DNAAF5: variants seen among roughly 807,000 people sequenced by gnomAD.
DNAAF5 encodes the protein dynein axonemal assembly factor 5.
In DNAAF5, 64 loss-of-function variants were observed where a neutral mutation model predicts 75.8. The observed-to-expected ratio is 0.84, with a 90% CI of 0.69 to 1.04. The LOEUF (loss-of-function observed/expected upper bound fraction) is 1.04, where lower values mean the gene tolerates loss of function less well. DNAAF5 is among the 50% of genes least tolerant of loss of function. The pLI, the probability that DNAAF5 is intolerant of heterozygous loss-of-function variation, is 0.00. For missense variants in DNAAF5, 1,269 were observed against 1,178.5 expected (o/e 1.08, Z -1.12); for synonymous variants, 657 against 557.2 (o/e 1.18, Z -2.52).
chr7:766,365 AT>A (rs1782822143), intron 8 of DNAAF5, among the ~76,000 whole-genome samples: 2 of 152,020 alleles, frequency 1.3e-5, no homozygotes, highest in African/African-American at 4.8e-5. Context: ...GATTAAAACA[AT>A]TTTTTAATAG....
intron 12 of DNAAF5, among the ~76,000 whole-genome samples, chr7:784,232 C>G (rs1028578095): frequency 6.6e-6 from 1 of 152,190 alleles, no homozygotes; most frequent in African/African-American, 2.4e-5. Flanking sequence ...GTCTTTCCCT[C>G]GCCCATGTGG....
In DNAAF5 at chr7:727,126, G is replaced by A; in HGVS notation, c.406G>A (p.Glu136Lys). ...AGPVPARRPP[E>K]ACEELRLALV... ...CCCCGTGCCCGCGCGCCGCCCGCCC[G>A]AGGCCTGTGAGGAGCTGCGCCTGGC... The change falls in exon 1 of 13, where the codon GAG becomes AAG. Residue 136 changes from glutamate (E) to lysine (K), a missense_variant. Glu to Lys is a moderately conservative substitution (Grantham distance 56). Coordinates refer to ENST00000297440, the MANE Select transcript of DNAAF5 (RefSeq NM_017802.4). The A allele has an allele frequency of 8.5e-7, 1 of 1,170,734 alleles. No homozygotes were observed. 72.5% of individuals were successfully genotyped at this position (1,170,734 alleles called of 1,614,324 possible). A position where few individuals can be genotyped will look rare whatever the true frequency, so the allele number is the denominator to read the frequency against.
chr7:770,930 C>T (rs1778541011), intron 9 of DNAAF5: 1 of 259,280 alleles, frequency 3.9e-6, no homozygotes. Context: ...CTTAACTGGC[C>T]TGGAAGCAGC....
chr7:745,934 G>T (rs1226896054), intron 4 of DNAAF5, among the ~76,000 whole-genome samples: 1 of 152,222 alleles, frequency 6.6e-6, no homozygotes, highest in Non-Finnish European at 1.5e-5. Context: ...CCGTGCCGAG[G>T]CGTAGAGAGT....
At chr7:743,788 G>A (rs951776452) in intron 4 of DNAAF5, among the ~76,000 whole-genome samples, 3 of 151,494 alleles carry the variant, frequency 2.0e-5, no homozygotes, top group African/African-American at 7.3e-5. Context: ...GGGATTACAG[G>A]CACTCACCAC....
At chr7:760,524 T>C (rs1004130386) in intron 6 of DNAAF5, among the ~76,000 whole-genome samples, 1 of 152,202 alleles carries the variant, frequency 6.6e-6, no homozygotes, top group African/African-American at 2.4e-5. Context: ...GTGGTTCTTA[T>C]CTATGATCCC....
chr7:770,551 C>G lies in DNAAF5; in HGVS notation c.1864C>G (p.Arg622Gly). ...CLQPSQDPQM[R>G]LKLFSILSTV... Reference sequence around the variant, plus strand: ...GCAGCCCTCCCAAGACCCGCAGATGCGCCTGAAGCTGTTCTCCATCCTGTC... The same window carrying G: ...GCAGCCCTCCCAAGACCCGCAGATGGGCCTGAAGCTGTTCTCCATCCTGTC... The change falls in exon 9 of 13, where the codon CGC (arginine) becomes GGC (glycine). Residue 622 changes from arginine (R) to glycine (G), a missense_variant. By Grantham distance (125) the Arg-to-Gly change is moderately radical (BLOSUM62 -2). Coordinates refer to ENST00000297440, the MANE Select transcript of DNAAF5 (RefSeq NM_017802.4). 6.2e-7 allele frequency: 1 copy of G among 1,613,908 alleles called. No individual in the cohort carries two copies. The highest frequency in any genetic ancestry group is 1.7e-5 in the Admixed American group (1 of 60,030).
At chr7:774,536 CAGAGGACGGGCCTGGGCTTTCCGCAT>C (rs1217948811) in intron 10 of DNAAF5, among the ~76,000 whole-genome samples, 7 of 142,850 alleles carry the variant, frequency 4.9e-5, no homozygotes, top group Admixed American at 1.4e-4. Context: ...GGATCCAGGC[CAGAGGACGGGCCTGGGCTTTCCGCAT>C]CGTTTCTATG....
At chr7:758,514 G>A (rs1396021621) in intron 6 of DNAAF5, among the ~76,000 whole-genome samples, 1 of 152,230 alleles carries the variant, frequency 6.6e-6, no homozygotes, top group East Asian at 1.9e-4. Flanking sequence ...GCGAACGTGT[G>A]TCGGCCCTTT....
In DNAAF5 at chr7:756,962, G is replaced by A. The variant is rs1411441157; in HGVS notation, c.1438G>A (p.Ala480Thr). The change falls in exon 6 of 13, where the codon GCA (alanine) becomes ACA (threonine). Residue 480 changes from alanine (A) to threonine (T), a missense_variant. Transcript: ENST00000297440. ...CCTGGCAGCCATCGCCACAGAGCTGGCACAGGCCCACATCTGCCAGGCATC... is the reference window on the plus strand; with the variant it reads ...CCTGGCAGCCATCGCCACAGAGCTGACACAGGCCCACATCTGCCAGGCATC... ...PHLAAIATEL[A>T]QAHICQASEN... 2 of 1,606,192 alleles carry A rather than the reference G, an allele frequency of 1.2e-6. No homozygotes were observed. Among genetic ancestry groups the A allele is most frequent in the Middle Eastern group, 1.7e-4 (1 of 5,962 alleles).
At chr7:783,100 C>T (rs1272029556) in intron 12 of DNAAF5, among the ~76,000 whole-genome samples, 1 of 152,254 alleles carries the variant, frequency 6.6e-6, no homozygotes, top group Non-Finnish European at 1.5e-5. Context: ...CGGCCACAAA[C>T]CCTGTCGGTT....
rs1474168408 is a variant in DNAAF5 at position 754,944 on chromosome 7, C to T, written c.1257+123C>T. Reference sequence around the variant, plus strand: ...GACAGCGTTCCCCTCACCCCCGGGCCGCAGGCCCTCCCCACACCCAGCCCC... The same window carrying T: ...GACAGCGTTCCCCTCACCCCCGGGCTGCAGGCCCTCCCCACACCCAGCCCC... On this transcript the variant is annotated intron_variant, in intron 5 of 12. Transcript: ENST00000297440. The surrounding 1 kb of genome is among the most constrained non-coding windows in gnomAD (Gnocchi z 4.8). The T allele has an allele frequency of 1.6e-5, 11 of 694,864 alleles. No individual in the cohort carries two copies. Among genetic ancestry groups the T allele is most frequent in the Admixed American group, 8.9e-5 (3 of 33,676 alleles). 43.0% of individuals were successfully genotyped at this position (694,864 alleles called of 1,614,324 possible). A position where few individuals can be genotyped will look rare whatever the true frequency, so the allele number is the denominator to read the frequency against.
intron 12 of DNAAF5, among the ~76,000 whole-genome samples, chr7:784,532 A>G (rs1298093898): frequency 2.0e-5 from 3 of 151,816 alleles, no homozygotes; most frequent in Admixed American, 1.3e-4. Flanking sequence ...TCAGCTAGAC[A>G]CGCCCAACCC....
Position 761,885 on chromosome 7 carries a change from C to A in DNAAF5, c.1603C>A (p.Leu535Met). 1 of 1,574,674 alleles carries A rather than the reference C, an allele frequency of 6.4e-7. No individual in the cohort carries two copies. ...TIVALAGATG[L>M]RDKAQETMDS... ...AGTGGCCCTCGCAGGTGCTACCGGCCTGAGGGACAAGGTAAGGCTGACAGT... is the reference window on the plus strand; with the variant it reads ...AGTGGCCCTCGCAGGTGCTACCGGCATGAGGGACAAGGTAAGGCTGACAGT... The change falls in exon 7 of 13, where the codon CTG (leucine) becomes ATG (methionine). Residue 535 changes from leucine to methionine, a missense_variant. Physicochemically the swap from Leu to Met is conservative, Grantham distance 15. Coordinates refer to ENST00000297440, the MANE Select transcript of DNAAF5 (RefSeq NM_017802.4).
At chr7:753,411 G>T (rs1435230228) in intron 4 of DNAAF5, among the ~76,000 whole-genome samples, 3 of 152,252 alleles carry the variant, frequency 2.0e-5, no homozygotes, top group Non-Finnish European at 2.9e-5. Flanking sequence ...AGAAAGTGCA[G>T]CTCAGTCACG....
intron 8 of DNAAF5, among the ~76,000 whole-genome samples, chr7:767,743 G>A (rs4719255): frequency 0.43 from 64,817 of 150,552 alleles, 14,113 homozygotes; most frequent in Non-Finnish European, 0.47. Flanking sequence ...CGGAGCTGGC[G>A]CTGGGAGGGG....
At position 739,115 on chromosome 7, in the gene DNAAF5, T is replaced by C. The variant is rs373758778; in HGVS notation, c.781-1704T>C. On this transcript the variant is annotated intron_variant, in intron 2 of 12. Transcript: ENST00000297440. ...CCACGCCCTCTGCCCCATCACTGTA[T>C]ACCTGTTTGGGCTGGGGGCTGGCTG... Among the ~76,000 whole-genome samples, 247 of 26,572 alleles carry C rather than the reference T, an allele frequency of 9.3e-3. 2 individuals are homozygous for C. The highest frequency in any genetic ancestry group is 0.026 in the African/African-American group (224 of 8,766). 17.4% of individuals were successfully genotyped at this position (26,572 alleles called of 152,430 possible).
intron 11 of DNAAF5, among the ~76,000 whole-genome samples, chr7:779,356 G>C (rs1283713788): frequency 6.6e-6 from 1 of 152,226 alleles, no homozygotes; most frequent in Non-Finnish European, 1.5e-5. Flanking sequence ...AGTCATCTGC[G>C]AATTTCCGGA....
intron 12 of DNAAF5, among the ~76,000 whole-genome samples, chr7:783,220 G>A (rs1779034003): frequency 6.6e-6 from 1 of 152,260 alleles, no homozygotes; most frequent in South Asian, 2.1e-4. Flanking sequence ...CATTCTTCCT[G>A]GGAAAAGCAG....
Sources: allele counts gnomAD v4.1 joint callset (sites outside exome capture counted in the v4.1 genomes callset), GRCh38; gene constraint gnomAD v4.1.1; non-coding constraint Gnocchi (gnomAD v3.1); transcripts MANE v1.5; gene names NCBI Gene and HGNC (gene_info 2026-07-23, HGNC 2026-07-21).